The following UBD variants were observed in gnomAD, a reference collection of about 807,000 sequenced individuals.
The protein encoded by UBD is ubiquitin like modifier D, also known as ubiquitin D.
A neutral mutation model predicts 2.3 loss-of-function variants in UBD; 1 was observed. The observed-to-expected ratio is 0.43, with a 90% CI of 0.15 to 2.06. The LOEUF is 2.06. Ranked by LOEUF, UBD falls within the 30% of genes most tolerant of loss-of-function variation. The pLI is 0.29. For synonymous variants in UBD, 75 were observed against 76.5 expected (o/e 0.98, Z 0.10); for missense variants, 175 against 199.3 (o/e 0.88, Z 0.73).
At chr6:29,559,597 C>A in intron 1 of UBD, 78 bp downstream of exon 1, 2 of 1,531,796 alleles carry the variant, frequency 1.3e-6, no homozygotes. Context: ...TACTGCCCAG[C>A]CCCCGTTTCT....
intron 1 of UBD, 140 bp from the exon 2 acceptor site, chr6:29,556,490 C>T: frequency 1.7e-6 from 1 of 600,972 alleles, no homozygotes. Context: ...CCCTCTCTTT[C>T]TTGGAACTTC....
At chr6:29,558,883 G>A (rs773255244) in intron 1 of UBD, among the ~76,000 whole-genome samples, 15 of 152,150 alleles carry the variant, frequency 9.9e-5, no homozygotes, top group Non-Finnish European at 2.2e-4. Flanking sequence ...AGAACCCCAG[G>A]TCAGAGAACA....
intron 1 of UBD, among the ~76,000 whole-genome samples, chr6:29,558,561 CGGCTCGAGGTGA>C (rs1300498573): frequency 2.6e-5 from 4 of 152,196 alleles, no homozygotes; most frequent in African/African-American, 9.7e-5. Context: ...ATGTTTCTTA[CGGCTCGAGGTGA>C]GCTTTCGCTT....
At position 29,555,902 on chromosome 6, in the gene UBD, G is replaced by A. The variant is rs760808059; in HGVS notation, c.476C>T (p.Ala159Val). 6.2e-7 allele frequency: 1 copy of A among 1,612,942 alleles called. No individual in the cohort carries two copies. Among genetic ancestry groups the A allele is most frequent in the South Asian group, 1.1e-5 (1 of 91,074 alleles). Residue 159 changes from alanine to valine, a missense_variant, in exon 2 of 2, where the codon GCA becomes GTA. Physicochemically the swap from Ala to Val is moderately conservative, Grantham distance 64. Transcript: ENST00000377050. The stretch of plus-strand genomic sequence containing the variant: ...TGGTCACCCTCCAATACAATAACAT[G>A]CCAGGAAGAGTAAGTTGCCCTTTCT... ...GIRKGNLLFLACYCIGG is the reference protein window; with the variant it reads ...GIRKGNLLFLVCYCIGG
intron 1 of UBD, among the ~76,000 whole-genome samples, chr6:29,558,796 G>A (rs1047618162): frequency 7.2e-5 from 11 of 152,250 alleles, no homozygotes; most frequent in Non-Finnish European, 1.3e-4. Context: ...GTTCTCTTCC[G>A]TGACCCATGG....
Position 29,555,515 on chromosome 6 carries a change from G to T in UBD, c.*365C>A. 1 of 234,024 alleles carries T rather than the reference G, an allele frequency of 4.3e-6. No individual in the cohort carries two copies. The highest frequency in any genetic ancestry group is 8.2e-6 in the Non-Finnish European group (1 of 121,296). 14.5% of individuals were successfully genotyped at this position (234,024 alleles called of 1,614,324 possible). A position where few individuals can be genotyped will look rare whatever the true frequency, so the allele number is the denominator to read the frequency against. ...AGAAATACAGAAATCAGTAGAACAT[G>T]GATCCCAACCTAAAACTTACTCTCT... On this transcript the variant is annotated 3_prime_UTR_variant, in exon 2 of 2. Transcript: ENST00000377050.
chr6:29,558,153 G>A (rs1762618332), intron 1 of UBD, among the ~76,000 whole-genome samples: 1 of 152,102 alleles, frequency 6.6e-6, no homozygotes, highest in Non-Finnish European at 1.5e-5. Flanking sequence ...ACATACTACC[G>A]TGACACTATG....
chr6:29,558,730 C>A (rs796361665), intron 1 of UBD, among the ~76,000 whole-genome samples: 11 of 152,340 alleles, frequency 7.2e-5, no homozygotes, highest in African/African-American at 2.4e-4. Flanking sequence ...TTGTTCTGCA[C>A]GGCTAAGTGC....
chr6:29,555,546 T>G lies in UBD; in HGVS notation c.*334A>C, dbSNP rs959368747. On this transcript the variant is annotated 3_prime_UTR_variant, in exon 2 of 2. Transcript: ENST00000377050. ...CAACCTAAAACTTACTCTCTTGTCA[T>G]AAAGGAAAGGAGATAGGAGTTTTTG... 4.2e-5 allele frequency: 12 copies of G among 283,076 alleles called. No individual in the cohort carries two copies. The highest frequency in any genetic ancestry group is 2.7e-4 in the African/African-American group (12 of 45,120). The allele number at this position is 283,076 out of a possible 1,614,324, so 17.5% of individuals were successfully genotyped here. A position where few individuals can be genotyped will look rare whatever the true frequency, so the allele number is the denominator to read the frequency against.
chr6:29,556,388 C>G (rs1394651798), intron 1 of UBD, 38 bp from the exon 2 acceptor site: 1 of 1,537,854 alleles, frequency 6.5e-7, no homozygotes, highest in African/African-American at 1.4e-5. Context: ...ACCTAGGATG[C>G]CTGCCTCCTT....
chr6:29,555,931 G>A lies in UBD; in HGVS notation c.447C>T (p.Gly149=). 6.2e-7 allele frequency: 1 copy of A among 1,613,042 alleles called. No homozygotes were observed. Among genetic ancestry groups the A allele is most frequent in the Non-Finnish European group, 8.5e-7 (1 of 1,180,026 alleles). ...GGAAGAGTAAGTTGCCCTTTCTGAT[G>A]CCGTAATCTGCCATCATCTTCCCAT... The part of the protein sequence containing the change: ...LEDGKMMADY[G]IRKGNLLFLA... The change falls in exon 2 of 2, where the codon GGC becomes GGT. Residue 149 remains glycine, a synonymous_variant. Transcript: ENST00000377050.
chr6:29,555,882 A>G lies in UBD; in HGVS notation c.496T>C (p.Ter166ArgextTer17). 6.2e-7 allele frequency: 1 copy of G among 1,612,142 alleles called. No homozygotes were observed. The highest frequency in any genetic ancestry group is 1.7e-5 in the Admixed American group (1 of 60,016). Residue 166 changes from the stop codon to arginine, a stop_lost, in exon 2 of 2, where the codon TGA becomes CGA. Transcript: ENST00000377050. ...CCAACACCCCATGCCCAGGGTGGTC[A>G]CCCTCCAATACAATAACATGCCAGG... is the stretch of plus-strand genomic sequence containing the variant. ...LFLACYCIGG[*>R]
chr6:29,557,027 C>T (rs1762556492), intron 1 of UBD: 1 of 152,164 alleles, frequency 6.6e-6, no homozygotes, highest in Non-Finnish European at 1.5e-5. Context: ...TGTATCTTCT[C>T]CCTTTTGCAG....
At chr6:29,557,925 T>C (rs568263095) in intron 1 of UBD, among the ~76,000 whole-genome samples, 1 of 152,342 alleles carries the variant, frequency 6.6e-6, no homozygotes, top group South Asian at 2.1e-4. Flanking sequence ...ATAAAGTTTG[T>C]CAAATGTCAA....
At chr6:29,556,398 T>G in intron 1 of UBD, 48 bp from the exon 2 acceptor site, 1 of 1,427,348 alleles carries the variant, frequency 7.0e-7, no homozygotes, top group Non-Finnish European at 9.7e-7. Flanking sequence ...CCTGCCTCCT[T>G]TACACTTCTA....
Position 29,555,685 on chromosome 6 carries a change from A to C in UBD, c.*195T>G, listed in dbSNP as rs1317942066. ...GTAATACATTAGTAAAAATCATGTC[A>C]CTTAATTAATTGTGTTAGAATCAAA... On this transcript the variant is annotated 3_prime_UTR_variant, in exon 2 of 2. Transcript: ENST00000377050. 2 of 575,638 alleles carry C rather than the reference A, an allele frequency of 3.5e-6. No individual in the cohort carries two copies. Among genetic ancestry groups the C allele is most frequent in the Non-Finnish European group, 6.1e-6 (2 of 327,090 alleles). The allele number at this position is 575,638 out of a possible 1,614,324, so 35.7% of individuals were successfully genotyped here. A position where few individuals can be genotyped will look rare whatever the true frequency, so the allele number is the denominator to read the frequency against.
intron 1 of UBD, chr6:29,556,671 A>T (rs1156865933): frequency 1.5e-5 from 5 of 325,450 alleles, no homozygotes; most frequent in Non-Finnish European, 2.8e-5. Context: ...AAACTTAGTC[A>T]TTGGGCCAAG....
Position 29,555,626 on chromosome 6 carries a change from C to T in UBD, c.*254G>A, listed in dbSNP as rs1762469908. On this transcript the variant is annotated 3_prime_UTR_variant, in exon 2 of 2. Coordinates refer to ENST00000377050, the MANE Select transcript of UBD (RefSeq NM_006398.4). Reference sequence around the variant, plus strand: ...AAATTCCAAGCTGGCTTTGAATGCTCTATTTTGCCTTAAAAATTTATTTAC... The same window carrying T: ...AAATTCCAAGCTGGCTTTGAATGCTTTATTTTGCCTTAAAAATTTATTTAC... 1.0e-5 allele frequency: 5 copies of T among 486,092 alleles called. No homozygotes were observed. In the East Asian group the frequency reaches 1.6e-4, roughly 16 times the overall value. The allele number at this position is 486,092 out of a possible 1,614,324, so 30.1% of individuals were successfully genotyped here. A position where few individuals can be genotyped will look rare whatever the true frequency, so the allele number is the denominator to read the frequency against.
chr6:29,557,455 T>G (rs1166736332), intron 1 of UBD: 1 of 152,246 alleles, frequency 6.6e-6, no homozygotes, highest in African/African-American at 2.4e-5. Flanking sequence ...CTGCTTCACC[T>G]TTTCATGTAT....
Sources: gnomAD v4.1 joint callset for allele counts (sites outside exome capture counted in the v4.1 genomes callset) on GRCh38, gnomAD v4.1.1 for gene constraint, MANE v1.5 for transcripts, NCBI Gene and HGNC (gene_info 2026-07-23, HGNC 2026-07-21) for gene names.